The following GPAT4 variants were observed in gnomAD, a reference collection of about 807,000 sequenced individuals.
GPAT4 encodes 1-AGP acyltransferase 6.
Under a neutral mutation model 58.0 loss-of-function variants are expected in GPAT4, and 17 were observed. That is an observed-to-expected ratio of 0.29 (90% CI 0.20 to 0.44). GPAT4 has a LOEUF of 0.44. Ranked by LOEUF, GPAT4 falls within the 20% of genes least tolerant of loss-of-function variation. The pLI is 1.00. For synonymous variants in GPAT4, 204 were observed against 210.1 expected, an observed-to-expected ratio of 0.97 and a Z score of 0.25; for missense variants, 377 against 574.5, an observed-to-expected ratio of 0.66 and a Z score of 3.51.
intron 2 of GPAT4, among the ~76,000 whole-genome samples, chr8:41,608,658 G>T (rs890057168): frequency 1.3e-5 from 2 of 152,174 alleles, no homozygotes; most frequent in African/African-American, 4.8e-5. Flanking sequence ...CCCCAGTTTT[G>T]TCCCATACAT....
intron 2 of GPAT4, among the ~76,000 whole-genome samples, chr8:41,606,949 C>G (rs957624215): frequency 6.6e-6 from 1 of 152,244 alleles, no homozygotes; most frequent in Non-Finnish European, 1.5e-5. Context: ...GTTGTCTCCT[C>G]TACAGATGCA....
At position 41,578,289 on chromosome 8, in the gene GPAT4, G is replaced by A. The variant is rs1181102403; in HGVS notation, c.-849+11G>A. ...CTAGCCTCGCGGTCGGTGAGTAGGA[G>A]GGAGCTGGCCCCTTACCTCAAAGTC... is the stretch of plus-strand genomic sequence containing the variant. On this transcript the variant is annotated intron_variant, in intron 1 of 12. Coordinates refer to ENST00000396987, the MANE Select transcript of GPAT4 (RefSeq NM_178819.4). 1 of 151,766 alleles carries A rather than the reference G, an allele frequency of 6.6e-6. No homozygotes were observed. Among genetic ancestry groups the A allele is most frequent in the Non-Finnish European group, 1.5e-5 (1 of 67,982 alleles). 9.4% of individuals were successfully genotyped at this position (151,766 alleles called of 1,614,324 possible).
rs1160517914 is a variant in GPAT4 at position 41,623,467 on chromosome 8, A to G, written c.*2466A>G. On this transcript the variant is annotated 3_prime_UTR_variant, in exon 13 of 13. Coordinates refer to ENST00000396987, the MANE Select transcript of GPAT4 (RefSeq NM_178819.4). ...GAGTGGAAAGTGCTGGTCAGCTGCT[A>G]ACCCCCCTCCAAGCCTGCTGCACCT... 2 of 152,234 alleles carry G rather than the reference A, an allele frequency of 1.3e-5. No homozygotes were observed. Among genetic ancestry groups the G allele is most frequent in the East Asian group, 1.9e-4 (1 of 5,196 alleles). 9.4% of individuals were successfully genotyped at this position (152,234 alleles called of 1,614,324 possible). A position where few individuals can be genotyped will look rare whatever the true frequency, so the allele number is the denominator to read the frequency against.
chr8:41,599,940 A>G (rs1431421168), intron 2 of GPAT4, among the ~76,000 whole-genome samples: 2 of 152,036 alleles, frequency 1.3e-5, no homozygotes, highest in African/African-American at 2.4e-5. Flanking sequence ...TGTTTTTAGT[A>G]GTCACCAAAT....
At chr8:41,613,223 T>C (rs1349706250) in intron 8 of GPAT4, among the ~76,000 whole-genome samples, 1 of 151,718 alleles carries the variant, frequency 6.6e-6, no homozygotes, top group Non-Finnish European at 1.5e-5. Context: ...ATGGTGAAAA[T>C]ACAAAATACT....
intron 1 of GPAT4, among the ~76,000 whole-genome samples, chr8:41,582,674 AGTGTGTGT>A (rs34365074): frequency 1.4e-5 from 2 of 142,488 alleles, no homozygotes; most frequent in Non-Finnish European, 3.1e-5. Context: ...AGAGAGAGAG[AGTGTGTGT>A]GTGTGTGTGT....
At position 41,595,033 on chromosome 8, in the gene GPAT4, A is replaced by G. The variant is rs77251613; in HGVS notation, c.-848-3259A>G. Among the ~76,000 whole-genome samples the G allele has an allele frequency of 5.6e-4, 85 of 152,136 alleles. 1 individual carries two copies. In the East Asian group the frequency reaches 0.014, roughly 25 times the overall value. ...ACAAGATTAGAAGTTACTATAATAT[A>G]TGTTACACTTTTAACTTTTAGCAGA... is the stretch of plus-strand genomic sequence containing the variant. On this transcript the variant is annotated intron_variant, in intron 1 of 12. Coordinates refer to ENST00000396987, the MANE Select transcript of GPAT4 (RefSeq NM_178819.4).
intron 1 of GPAT4, among the ~76,000 whole-genome samples, chr8:41,595,718 T>A (rs187531905): frequency 2.5e-4 from 38 of 152,292 alleles, no homozygotes; most frequent in African/African-American, 8.9e-4. Context: ...TAACTTTCTC[T>A]CTCTTTGACT....
At chr8:41,605,334 T>C (rs1168981376) in intron 2 of GPAT4, among the ~76,000 whole-genome samples, 2 of 152,180 alleles carry the variant, frequency 1.3e-5, no homozygotes, top group African/African-American at 2.4e-5. Context: ...ATTGCAGGAA[T>C]TGAGTAGGTA....
intron 1 of GPAT4, among the ~76,000 whole-genome samples, chr8:41,587,477 G>T (rs888228753): frequency 6.6e-6 from 1 of 152,114 alleles, no homozygotes; most frequent in Admixed American, 6.6e-5. Context: ...AGACAATGCC[G>T]CAGTCAGTAT....
At position 41,612,969 on chromosome 8, in the gene GPAT4, CA is replaced by C; in HGVS notation, c.911+10del. The C allele has an allele frequency of 6.2e-7, 1 of 1,611,642 alleles. No individual in the cohort carries two copies. Among genetic ancestry groups the C allele is most frequent in the Non-Finnish European group, 8.5e-7 (1 of 1,178,020 alleles). On this transcript the variant is annotated intron_variant, in intron 8 of 12. Coordinates refer to ENST00000396987, the MANE Select transcript of GPAT4 (RefSeq NM_178819.4). ...CACCTGGTGGCTAAGAGGTAATGGA[CA>C]GAACACTGCTGTTCTGCTTGGCCAG...
intron 8 of GPAT4, among the ~76,000 whole-genome samples, 167 bp from the exon 9 acceptor site, chr8:41,614,219 C>T (rs1803529335): frequency 6.6e-6 from 1 of 152,222 alleles, no homozygotes; most frequent in Non-Finnish European, 1.5e-5. Flanking sequence ...TATCCATATA[C>T]ATTTTTTCTT....
chr8:41,579,379 T>C (rs1802451172), intron 1 of GPAT4, among the ~76,000 whole-genome samples: 2 of 152,068 alleles, frequency 1.3e-5, no homozygotes, highest in African/African-American at 4.8e-5. Flanking sequence ...GCAAGATGAG[T>C]CTGTCAAAAG....
In GPAT4 at chr8:41,609,565, T is replaced by A. The variant is rs535067523; in HGVS notation, c.235+80T>A. ...AGTGCTTCTGGTGCCACACACGCTC[T>A]TCCCTGCATTAGTGCAGGATGTGTG... is the stretch of plus-strand genomic sequence containing the variant. On this transcript the variant is annotated intron_variant, in intron 3 of 12. Coordinates refer to ENST00000396987, the MANE Select transcript of GPAT4 (RefSeq NM_178819.4). The A allele has an allele frequency of 2.5e-6, 4 of 1,598,046 alleles. No homozygotes were observed. The African/African-American group carries it at 5.4e-5, about 21-fold the overall frequency.
intron 1 of GPAT4, among the ~76,000 whole-genome samples, chr8:41,596,222 C>G (rs1378977220): frequency 6.6e-6 from 1 of 152,016 alleles, no homozygotes; most frequent in African/African-American, 2.4e-5. Flanking sequence ...GTGCCTGACC[C>G]ATGCTTCCTT....
At chr8:41,613,343 G>A (rs993783134) in intron 8 of GPAT4, among the ~76,000 whole-genome samples, 7 of 151,902 alleles carry the variant, frequency 4.6e-5, no homozygotes, top group African/African-American at 1.5e-4. Context: ...CTGAGATCGC[G>A]CCATTGCATT....
intron 2 of GPAT4, among the ~76,000 whole-genome samples, chr8:41,605,564 T>C (rs1803237839): frequency 7.9e-6 from 1 of 127,100 alleles, no homozygotes; most frequent in Non-Finnish European, 1.8e-5. Context: ...GTTTGTTTGT[T>C]TGTTTGTTTG....
intron 1 of GPAT4, among the ~76,000 whole-genome samples, chr8:41,587,450 GTTTGT>G (rs1455221588): frequency 6.6e-6 from 1 of 152,198 alleles, no homozygotes; most frequent in Non-Finnish European, 1.5e-5. Flanking sequence ...AGACGTTGAT[GTTTGT>G]TTTGATATTA....
chr8:41,585,500 T>C (rs952064358), intron 1 of GPAT4, among the ~76,000 whole-genome samples: 1 of 152,248 alleles, frequency 6.6e-6, no homozygotes, highest in Non-Finnish European at 1.5e-5. Flanking sequence ...GTCATCATTT[T>C]ATTATTATTG....
Sources: gnomAD v4.1 joint callset for allele counts (sites outside exome capture counted in the v4.1 genomes callset) on GRCh38, gnomAD v4.1.1 for gene constraint, MANE v1.5 for transcripts, NCBI Gene and HGNC (gene_info 2026-07-23, HGNC 2026-07-21) for gene names.